Variants in VPS8 observed in about 807,000 individuals in gnomAD.
The protein encoded by VPS8 is vacuolar protein sorting-associated protein 8 homolog.
In VPS8, 129 loss-of-function variants were observed where a neutral mutation model predicts 216.4. The ratio of observed to expected loss-of-function variants is 0.60; its 90% CI spans 0.52 to 0.69. VPS8 has a LOEUF of 0.69. Ranked by LOEUF, VPS8 falls within the 30% of genes least tolerant of loss-of-function variation. The pLI is 0.00. For synonymous variants in VPS8, 571 were observed against 565.4 expected, an observed-to-expected ratio of 1.01 and a Z score of -0.14; for missense variants, 1,531 against 1,683.5, an observed-to-expected ratio of 0.91 and a Z score of 1.59.
intron 45 of VPS8, among the ~76,000 whole-genome samples, chr3:185,013,453 AT>A (rs1462799715): frequency 1.3e-5 from 2 of 152,250 alleles, no homozygotes; most frequent in African/African-American, 4.8e-5. Flanking sequence ...GTTTTTATCC[AT>A]TTTAATGGGT....
intron 37 of VPS8, among the ~76,000 whole-genome samples, chr3:184,961,824 T>C (rs534942641): frequency 1.6e-3 from 236 of 152,080 alleles, no homozygotes; most frequent in African/African-American, 5.5e-3. Flanking sequence ...TGGAGTGCAG[T>C]GGCATGATCT....
intron 2 of VPS8, among the ~76,000 whole-genome samples, chr3:184,825,206 G>C (rs1237021513): frequency 6.6e-6 from 1 of 152,014 alleles, no homozygotes; most frequent in Non-Finnish European, 1.5e-5. Context: ...CATTTGTATA[G>C]TCCATTACAG....
intron 4 of VPS8, among the ~76,000 whole-genome samples, chr3:184,833,118 C>T (rs1720349481): frequency 6.6e-6 from 1 of 152,170 alleles, no homozygotes. Flanking sequence ...TGGAAACATG[C>T]AGCTTGGTTC....
chr3:184,826,943 C>G lies in VPS8; in HGVS notation c.222+712C>G, dbSNP rs1309289531. Among the ~76,000 whole-genome samples, 12 of 152,282 alleles carry G rather than the reference C, an allele frequency of 7.9e-5. No homozygotes were observed. The East Asian group carries it at 2.1e-3, about 27-fold the overall frequency. Reference sequence around the variant, plus strand: ...GTGAGAGGACATGGTTGGTGAAGCACGCCTGTTTTATATACCCTGCATCTG... The same window carrying G: ...GTGAGAGGACATGGTTGGTGAAGCAGGCCTGTTTTATATACCCTGCATCTG... On this transcript the variant is annotated intron_variant, in intron 3 of 47. Coordinates refer to ENST00000625842, the MANE Select transcript of VPS8 (RefSeq NM_001009921.3).
chr3:184,881,133 CA>C (rs1730196728), intron 21 of VPS8, among the ~76,000 whole-genome samples: 1 of 152,106 alleles, frequency 6.6e-6, no homozygotes, highest in South Asian at 2.1e-4. Context: ...TTTTGCAAAC[CA>C]AAGGTTTTAA....
At chr3:184,866,100 A>G (rs1010522780) in intron 16 of VPS8, among the ~76,000 whole-genome samples, 20 of 152,240 alleles carry the variant, frequency 1.3e-4, no homozygotes, top group African/African-American at 4.8e-4. Context: ...CTTGTATATG[A>G]ACACACATAG....
intron 28 of VPS8, among the ~76,000 whole-genome samples, chr3:184,918,224 G>C (rs1447121688): frequency 6.6e-6 from 1 of 152,220 alleles, no homozygotes; most frequent in East Asian, 1.9e-4. Context: ...AATATTTACT[G>C]TCTGGCTCTT....
chr3:185,043,476 T>C (rs945574909), intron 46 of VPS8, among the ~76,000 whole-genome samples: 24 of 152,150 alleles, frequency 1.6e-4, no homozygotes, highest in Non-Finnish European at 3.1e-4. Flanking sequence ...ACAACTGATA[T>C]GAGGGATATC....
intron 14 of VPS8, among the ~76,000 whole-genome samples, chr3:184,858,222 G>T (rs1028054810): frequency 1.3e-5 from 2 of 152,152 alleles, no homozygotes; most frequent in Non-Finnish European, 2.9e-5. Context: ...TGAGGATATA[G>T]AGTGTGTACT....
chr3:184,871,188 T>C (rs1365690181), intron 21 of VPS8, among the ~76,000 whole-genome samples: 3 of 149,188 alleles, frequency 2.0e-5, no homozygotes, highest in Admixed American at 6.8e-5. Flanking sequence ...GACTTAAGAA[T>C]AATAGATCAA....
chr3:184,846,640 A>G (rs1723189101), intron 8 of VPS8, among the ~76,000 whole-genome samples: 1 of 152,264 alleles, frequency 6.6e-6, no homozygotes, highest in South Asian at 2.1e-4. Context: ...TCTTCGCAGT[A>G]TGCTGCTTAG....
chr3:184,858,394 T>C (rs1725676971), intron 14 of VPS8, among the ~76,000 whole-genome samples: 1 of 152,206 alleles, frequency 6.6e-6, no homozygotes, highest in Admixed American at 6.5e-5. Flanking sequence ...TCAAGATACT[T>C]TTTAAAGTGA....
intron 37 of VPS8, among the ~76,000 whole-genome samples, chr3:184,959,116 T>C (rs1560868638): frequency 6.6e-6 from 1 of 152,158 alleles, no homozygotes; most frequent in East Asian, 1.9e-4. Flanking sequence ...ACTCTTTTCT[T>C]GAGGCCCCCA....
At chr3:184,892,063 A>G (rs1459496481) in intron 22 of VPS8, among the ~76,000 whole-genome samples, 4 of 152,142 alleles carry the variant, frequency 2.6e-5, no homozygotes, top group Admixed American at 6.5e-5. Context: ...TCTATTATTC[A>G]TGATCGATTT....
In VPS8 at chr3:184,926,639, G is replaced by A. The variant is rs774790318; in HGVS notation, c.2620G>A (p.Glu874Lys). ...CSPDDDSRHS[E>K]RQQVLLELLQ... ...TCCTGACGATGACTCCCGACACTCT[G>A]AAAGACAGCAGGTATGAACTACTAG... Residue 874 changes from glutamate (E) to lysine (K), a missense_variant, in exon 31 of 48, where the codon GAA becomes AAA. Physicochemically the swap from Glu to Lys is moderately conservative, Grantham distance 56 (BLOSUM62 1). This residue lies in a region of VPS8 where 1,318 missense variants were observed against 1,468.4 expected (regional missense o/e 0.90). Coordinates refer to ENST00000625842, the MANE Select transcript of VPS8 (RefSeq NM_001009921.3). 13 of 1,605,162 alleles carry A rather than the reference G, an allele frequency of 8.1e-6. No homozygotes were observed. The highest frequency in any genetic ancestry group is 1.0e-5 in the Non-Finnish European group (12 of 1,175,702).
chr3:184,822,505 T>G (rs1022520244), intron 1 of VPS8, among the ~76,000 whole-genome samples: 5 of 152,226 alleles, frequency 3.3e-5, no homozygotes, highest in Non-Finnish European at 5.9e-5. Flanking sequence ...TGGAAAGAGA[T>G]AAAATATGAA....
chr3:185,040,164 C>A (rs969301104), intron 46 of VPS8, among the ~76,000 whole-genome samples: 3 of 152,126 alleles, frequency 2.0e-5, no homozygotes, highest in African/African-American at 7.2e-5. Flanking sequence ...ACAAACACCT[C>A]CATTAGGCCC....
At chr3:184,857,955 T>A (rs1243782608) in intron 14 of VPS8, among the ~76,000 whole-genome samples, 1 of 152,142 alleles carries the variant, frequency 6.6e-6, no homozygotes, top group Non-Finnish European at 1.5e-5. Context: ...TGAAGAGGGG[T>A]CCACATGAAG....
intron 46 of VPS8, among the ~76,000 whole-genome samples, chr3:185,029,608 G>T (rs1297518240): frequency 6.7e-6 from 1 of 150,120 alleles, no homozygotes; most frequent in Non-Finnish European, 1.5e-5. Context: ...TCTGTTGCCC[G>T]GCTTGGAGTG....
Sources: allele counts gnomAD v4.1 joint callset (sites outside exome capture counted in the v4.1 genomes callset), GRCh38; gene constraint gnomAD v4.1.1; regional missense constraint gnomAD v4.1.1; transcripts MANE v1.5; gene names NCBI Gene and HGNC (gene_info 2026-07-23, HGNC 2026-07-21).